Variants in TTC39B observed in about 807,000 individuals in gnomAD.
TTC39B encodes tetratricopeptide repeat domain 39B.
Under a neutral mutation model 96.6 loss-of-function variants are expected in TTC39B, and 92 were observed. That is an observed-to-expected ratio of 0.95 (90% CI 0.80 to 1.13). TTC39B has a LOEUF of 1.13. Among genes scored for constraint, TTC39B ranks in the 50% most tolerant of loss-of-function variants. TTC39B has a pLI of 0.00. For missense variants in TTC39B, 955 were observed against 809.3 expected (o/e 1.18, Z -2.18); for synonymous variants, 367 against 299.4 (o/e 1.23, Z -2.33).
intron 2 of TTC39B, among the ~76,000 whole-genome samples, chr9:15,254,640 A>G (rs1168931601): frequency 6.6e-6 from 1 of 152,162 alleles, no homozygotes; most frequent in Non-Finnish European, 1.5e-5. Flanking sequence ...AGACAAAGAG[A>G]ATGTATCGTT....
intron 2 of TTC39B, among the ~76,000 whole-genome samples, chr9:15,266,971 T>G (rs767272082): frequency 6.6e-6 from 1 of 152,002 alleles, no homozygotes; most frequent in South Asian, 2.1e-4. Flanking sequence ...CCCAGCTACT[T>G]GGGAGGCTAA....
At chr9:15,235,042 TAAAAC>T (rs1389583138) in intron 2 of TTC39B, among the ~76,000 whole-genome samples, 1 of 150,032 alleles carries the variant, frequency 6.7e-6, no homozygotes, top group Non-Finnish European at 1.5e-5. Context: ...AATAAATAAA[TAAAAC>T]AAAAACAAAA....
intron 2 of TTC39B, among the ~76,000 whole-genome samples, chr9:15,228,274 G>C (rs1015408745): frequency 1.1e-4 from 16 of 152,246 alleles, no homozygotes; most frequent in Admixed American, 9.8e-4. Flanking sequence ...GACCAGCCTG[G>C]CCAGCATGGT....
chr9:15,248,297 A>G (rs1234462217), intron 2 of TTC39B, among the ~76,000 whole-genome samples: 1 of 152,174 alleles, frequency 6.6e-6, no homozygotes, highest in African/African-American at 2.4e-5. Flanking sequence ...CACTGACCAC[A>G]TGCTTGCTGA....
chr9:15,305,073 C>CAAT (rs1180219486), intron 1 of TTC39B, among the ~76,000 whole-genome samples: 2 of 152,032 alleles, frequency 1.3e-5, no homozygotes, highest in African/African-American at 4.8e-5. Context: ...CTGAAATAAG[C>CAAT]TATTTGCGCA....
chr9:15,191,728 C>G (rs1050842836), intron 9 of TTC39B, among the ~76,000 whole-genome samples: 3 of 152,136 alleles, frequency 2.0e-5, no homozygotes, highest in Non-Finnish European at 4.4e-5. Flanking sequence ...GAACCCTGGG[C>G]AGTGCACCTG....
intron 1 of TTC39B, among the ~76,000 whole-genome samples, chr9:15,279,188 A>G (rs1310896612): frequency 6.6e-6 from 1 of 152,228 alleles, no homozygotes; most frequent in Non-Finnish European, 1.5e-5. Context: ...TCTCTGGTGT[A>G]GACCAGGGAT....
chr9:15,237,413 G>A (rs1437471246), intron 2 of TTC39B, among the ~76,000 whole-genome samples: 1 of 151,794 alleles, frequency 6.6e-6, no homozygotes, highest in Non-Finnish European at 1.5e-5. Flanking sequence ...TAAAAGAGAA[G>A]ATTCAAATAA....
chr9:15,178,868 T>A (rs983600172), intron 17 of TTC39B, among the ~76,000 whole-genome samples: 2 of 152,186 alleles, frequency 1.3e-5, no homozygotes, highest in Non-Finnish European at 2.9e-5. Flanking sequence ...CTTATCCCCA[T>A]TAAAAATTCA....
chr9:15,192,772 A>C, intron 8 of TTC39B, 77 bp from the exon 9 acceptor site: 3 of 965,216 alleles, frequency 3.1e-6, no homozygotes, highest in Non-Finnish European at 4.8e-6. Context: ...TTTTACACTT[A>C]TGTGCTATAA....
chr9:15,295,516 T>C (rs772948070), intron 1 of TTC39B, among the ~76,000 whole-genome samples: 2 of 152,204 alleles, frequency 1.3e-5, no homozygotes, highest in African/African-American at 4.8e-5. Flanking sequence ...GCTTCTTCTG[T>C]AGAATTCTCT....
intron 9 of TTC39B, 60 bp downstream of exon 9, chr9:15,192,530 G>T (rs780052690): frequency 4.5e-4 from 593 of 1,313,754 alleles, no homozygotes; most frequent in Non-Finnish European, 5.8e-4. Context: ...AGTGGAGAAG[G>T]CACAGAAAAC....
chr9:15,267,010 C>T (rs567958518), intron 2 of TTC39B, among the ~76,000 whole-genome samples: 5 of 152,090 alleles, frequency 3.3e-5, no homozygotes, highest in Admixed American at 6.5e-5. Flanking sequence ...ACCTGGGAGG[C>T]GGAGCTTGCA....
chr9:15,183,250 C>T (rs957781003), intron 16 of TTC39B: 15 of 330,930 alleles, frequency 4.5e-5, no homozygotes, highest in South Asian at 2.8e-4. Context: ...CTTATGGCAC[C>T]GAAAACTAAG....
chr9:15,193,577 A>G (rs1487267319), intron 8 of TTC39B, among the ~76,000 whole-genome samples: 3 of 152,224 alleles, frequency 2.0e-5, no homozygotes, highest in Non-Finnish European at 4.4e-5. Flanking sequence ...GAGTCAATTC[A>G]GATGCCTACA....
chr9:15,183,949 T>C (rs113308993), intron 16 of TTC39B, among the ~76,000 whole-genome samples: 1,536 of 152,292 alleles, frequency 0.01, 23 homozygotes, highest in African/African-American at 0.035. Flanking sequence ...CACCTGGACC[T>C]AGGTGCTAGG....
intron 2 of TTC39B, among the ~76,000 whole-genome samples, chr9:15,259,509 T>A (rs1586970912): frequency 1.3e-5 from 2 of 152,326 alleles, no homozygotes; most frequent in East Asian, 3.9e-4. Context: ...ACACAATTGT[T>A]TATAGCAGCA....
At chr9:15,233,966 G>A (rs574866278) in intron 2 of TTC39B, among the ~76,000 whole-genome samples, 7 of 151,454 alleles carry the variant, frequency 4.6e-5, no homozygotes, top group Admixed American at 6.6e-5. Context: ...TCTCTGCCCC[G>A]CCGCCCATCG....
intron 8 of TTC39B, among the ~76,000 whole-genome samples, chr9:15,198,549 C>G (rs1296685768): frequency 1.3e-5 from 2 of 150,552 alleles, no homozygotes; most frequent in East Asian, 3.9e-4. Flanking sequence ...AATTTATGTC[C>G]AGTGCTACAA....
Sources: gnomAD v4.1 joint callset for allele counts (sites outside exome capture counted in the v4.1 genomes callset) on GRCh38, gnomAD v4.1.1 for gene constraint, MANE v1.5 for transcripts, NCBI Gene and HGNC (gene_info 2026-07-23, HGNC 2026-07-21) for gene names.